The following ATP10B variants were observed in gnomAD, a reference collection of about 807,000 sequenced individuals.
ATP10B encodes ATPase phospholipid transporting 10B (putative).
ATP10B carries 122 observed loss-of-function variants against 141.2 expected under a neutral mutation model. The observed-to-expected ratio is 0.86, with a 90% CI of 0.75 to 1.00. The LOEUF (loss-of-function observed/expected upper bound fraction) is 1.00, where lower values mean the gene tolerates loss of function less well. Among genes scored for constraint, ATP10B ranks in the 50% least tolerant of loss-of-function variants. The pLI is 0.00. For missense variants in ATP10B, 1,876 were observed against 1,825.3 expected, an observed-to-expected ratio of 1.03 and a Z score of -0.51; for synonymous variants, 685 against 692.0, an observed-to-expected ratio of 0.99 and a Z score of 0.16.
the ATP10B span, among the ~76,000 whole-genome samples, chr5:160,912,608 A>G: frequency 7.2e-5 from 11 of 151,754 alleles, no homozygotes; most frequent in East Asian, 1.9e-3. Flanking sequence ...AAGAAAAGAA[A>G]AGAGAAAAGA....
chr5:160,597,816 G>A (rs1325026979), intron 22 of ATP10B, among the ~76,000 whole-genome samples: 2 of 152,134 alleles, frequency 1.3e-5, no homozygotes, highest in Non-Finnish European at 2.9e-5. Flanking sequence ...CTGGCTATCA[G>A]AGAAATGCAA....
the ATP10B span, among the ~76,000 whole-genome samples, chr5:160,879,453 G>A: frequency 7.1e-6 from 1 of 139,958 alleles, no homozygotes; most frequent in Admixed American, 7.2e-5. Flanking sequence ...GAGTTAGTGG[G>A]TGCAGCGCAC....
At chr5:160,726,868 G>A (rs1766404130) in intron 2 of ATP10B, among the ~76,000 whole-genome samples, 1 of 151,806 alleles carries the variant, frequency 6.6e-6, no homozygotes, top group Non-Finnish European at 1.5e-5. Context: ...TGCCTCCTTT[G>A]GAAAGACTTA....
intron 8 of ATP10B, among the ~76,000 whole-genome samples, chr5:160,646,054 G>A (rs902716191): frequency 6.6e-6 from 1 of 152,130 alleles, no homozygotes; most frequent in African/African-American, 2.4e-5. Flanking sequence ...TTGTGGTCTG[G>A]GAAGTTAGTA....
chr5:160,902,395 C>T, the ATP10B span, among the ~76,000 whole-genome samples: 2 of 152,174 alleles, frequency 1.3e-5, no homozygotes, highest in Non-Finnish European at 2.9e-5. Context: ...AAGAAACAAA[C>T]TCACTACTTT....
At chr5:160,827,050 T>C (rs1453448399) in intron 1 of ATP10B, among the ~76,000 whole-genome samples, 1 of 152,102 alleles carries the variant, frequency 6.6e-6, no homozygotes, top group African/African-American at 2.4e-5. Flanking sequence ...TTTTTGCCAT[T>C]TGAAGCATGT....
intron 1 of ATP10B, among the ~76,000 whole-genome samples, chr5:160,794,322 T>C (rs1771797906): frequency 6.6e-6 from 1 of 152,172 alleles, no homozygotes; most frequent in African/African-American, 2.4e-5. Flanking sequence ...GACAACTGAT[T>C]TCCTGCTGCT....
Position 160,720,712 on chromosome 5 carries a change from C to T in ATP10B, c.-330-3678G>A, listed in dbSNP as rs75608770. Among the ~76,000 whole-genome samples the T allele has an allele frequency of 1.7e-3, 261 of 152,300 alleles. 1 individual carries two copies. Among genetic ancestry groups the T allele is most frequent in the African/African-American group, 6.0e-3 (250 of 41,566 alleles). Reference sequence around the variant, plus strand: ...TCCTTGAGTTTATAGCCCTCTCTTCCTGATAAGCTCAAACCATCCTTTCCT... The same window carrying T: ...TCCTTGAGTTTATAGCCCTCTCTTCTTGATAAGCTCAAACCATCCTTTCCT... On this transcript the variant is annotated intron_variant, in intron 2 of 25. Transcript: ENST00000327245.
chr5:160,575,456 A>G (rs1296876236), intron 24 of ATP10B, among the ~76,000 whole-genome samples: 2 of 152,208 alleles, frequency 1.3e-5, no homozygotes, highest in Admixed American at 6.5e-5. Flanking sequence ...AATAATGCTC[A>G]TTTTGTATTT....
the ATP10B span, among the ~76,000 whole-genome samples, chr5:160,921,226 A>G: frequency 6.6e-6 from 1 of 151,758 alleles, no homozygotes; most frequent in African/African-American, 2.4e-5. Context: ...GTACATGTGT[A>G]TATAACCTTT....
the ATP10B span, among the ~76,000 whole-genome samples, chr5:160,857,325 C>T: frequency 1.9e-3 from 279 of 150,778 alleles, no homozygotes; most frequent in African/African-American, 6.6e-3. Context: ...TCCATTTTGT[C>T]TAGAGTTGTC....
intron 2 of ATP10B, among the ~76,000 whole-genome samples, chr5:160,747,749 G>T (rs1213707445): frequency 1.3e-5 from 2 of 152,172 alleles, no homozygotes; most frequent in African/African-American, 4.8e-5. Flanking sequence ...TAAGCCATCT[G>T]GTTTGTGGTA....
chr5:160,865,439 A>T, the ATP10B span, among the ~76,000 whole-genome samples: 1 of 152,142 alleles, frequency 6.6e-6, no homozygotes, highest in Non-Finnish European at 1.5e-5. Flanking sequence ...TGGATCAAAG[A>T]CCTAAATCTA....
At chr5:160,874,396 T>C in the ATP10B span, among the ~76,000 whole-genome samples, 2 of 152,024 alleles carry the variant, frequency 1.3e-5, no homozygotes, top group Non-Finnish European at 2.9e-5. Flanking sequence ...ATCACCATCG[T>C]CAAAGACCAA....
intron 1 of ATP10B, among the ~76,000 whole-genome samples, chr5:160,828,988 A>G (rs1774854175): frequency 7.1e-6 from 1 of 140,792 alleles, no homozygotes; most frequent in Admixed American, 7.6e-5. Context: ...GTTCTCACTC[A>G]TAGATGGGAA....
At chr5:160,569,743 A>T in intron 24 of ATP10B, 60 bp from the exon 25 acceptor site, 1 of 1,315,182 alleles carries the variant, frequency 7.6e-7, no homozygotes, top group Admixed American at 2.8e-5. Flanking sequence ...AGGCAGGGTG[A>T]TCAAACTACT....
Position 160,686,207 on chromosome 5 carries a change from G to A in ATP10B, c.342C>T (p.His114=). The A allele has an allele frequency of 1.9e-6, 3 of 1,612,820 alleles. No individual in the cohort carries two copies. The highest frequency in any genetic ancestry group is 8.5e-7 in the Non-Finnish European group (1 of 1,179,116). ...LNWMPSMEVF[H]REITMLPLAI... ...CCAATGGTAACATGGTGATTTCTCT[G>A]TGGAAGACTTCCATGGAGGGCATCC... is the stretch of plus-strand genomic sequence containing the variant. Residue 114 remains histidine, a synonymous_variant, in exon 6 of 26, where the codon CAC becomes CAT. Transcript: ENST00000327245.
chr5:160,799,957 C>T (rs1772260350), intron 1 of ATP10B, among the ~76,000 whole-genome samples: 1 of 152,294 alleles, frequency 6.6e-6, no homozygotes, highest in South Asian at 2.1e-4. Context: ...AGTTGGAGCA[C>T]TCAGTGCCAG....
chr5:160,864,516 G>A, the ATP10B span, among the ~76,000 whole-genome samples: 2 of 151,656 alleles, frequency 1.3e-5, no homozygotes, highest in African/African-American at 2.4e-5. Flanking sequence ...CCTAGAACAA[G>A]ACAAGGATGC....
Sources: gnomAD v4.1 joint callset for allele counts (sites outside exome capture counted in the v4.1 genomes callset) on GRCh38, gnomAD v4.1.1 for gene constraint, MANE v1.5 for transcripts, NCBI Gene and HGNC (gene_info 2026-07-23, HGNC 2026-07-21) for gene names.